MEIS1: variants seen among roughly 807,000 people sequenced by gnomAD.
MEIS1 encodes Meis homeobox 1.
MEIS1 carries 5 observed loss-of-function variants against 50.8 expected under a neutral mutation model. The ratio of observed to expected loss-of-function variants is 0.10; its 90% CI spans 0.05 to 0.21. The LOEUF (loss-of-function observed/expected upper bound fraction) is 0.21, where lower values mean the gene tolerates loss of function less well. Among genes scored for constraint, MEIS1 ranks in the 10% least tolerant of loss-of-function variants. The pLI is 1.00. For synonymous variants in MEIS1, 176 were observed against 179.3 expected (o/e 0.98, Z 0.15); for missense variants, 318 against 517.3 (o/e 0.61, Z 3.74).
intron 6 of MEIS1, chr2:66,454,693 C>A (rs1001129004): frequency 1.3e-5 from 2 of 151,806 alleles, no homozygotes; most frequent in East Asian, 3.9e-4. Flanking sequence ...TTTATTTTAT[C>A]TTAATTTGTT....
chr2:66,473,370 C>A (rs1342884893), intron 7 of MEIS1, among the ~76,000 whole-genome samples: 1 of 98,654 alleles, frequency 1.0e-5, no homozygotes, highest in Non-Finnish European at 1.7e-5. Flanking sequence ...AAGAGTGAGA[C>A]TCCATGTCAA....
At chr2:66,468,989 A>G (rs1672706086) in intron 7 of MEIS1, among the ~76,000 whole-genome samples, 1 of 152,228 alleles carries the variant, frequency 6.6e-6, no homozygotes, top group Admixed American at 6.5e-5. Flanking sequence ...AAGTAAAGAT[A>G]TTGCTCTTGC....
chr2:66,557,551 G>A (rs1443950389), intron 9 of MEIS1, among the ~76,000 whole-genome samples: 1 of 152,118 alleles, frequency 6.6e-6, no homozygotes, highest in Non-Finnish European at 1.5e-5. Context: ...TTTGAGACTG[G>A]CTTTTTTCAC....
chr2:66,544,013 A>C (rs1012782223), intron 8 of MEIS1, among the ~76,000 whole-genome samples: 1 of 152,210 alleles, frequency 6.6e-6, no homozygotes, highest in African/African-American at 2.4e-5. Context: ...GAGATGCAAT[A>C]ACAGCAAAGG....
At position 66,568,633 on chromosome 2, in the gene MEIS1, T is replaced by G. The variant is rs377688780; in HGVS notation, c.1025-34T>G. The G allele has an allele frequency of 2.2e-5, 34 of 1,534,384 alleles. No individual in the cohort carries two copies. The African/African-American group carries it at 4.4e-4, about 20-fold the overall frequency. ...GGCTATTTCTTTTGCTCTCAGAGACTGTTATTAAAAAACCACATTCTGTAC... is the reference window on the plus strand; with the variant it reads ...GGCTATTTCTTTTGCTCTCAGAGACGGTTATTAAAAAACCACATTCTGTAC... On this transcript the variant is annotated intron_variant, in intron 10 of 12. Coordinates refer to ENST00000272369, the MANE Select transcript of MEIS1 (RefSeq NM_002398.3).
chr2:66,475,149 T>A (rs1553373611), intron 7 of MEIS1, among the ~76,000 whole-genome samples: 2 of 141,464 alleles, frequency 1.4e-5, no homozygotes, highest in Non-Finnish European at 3.0e-5. Flanking sequence ...TATATATATA[T>A]AAATATATGA....
intron 5 of MEIS1, chr2:66,442,674 T>C (rs2103689426): frequency 2.1e-6 from 1 of 479,106 alleles, no homozygotes; most frequent in East Asian, 3.7e-5. Flanking sequence ...GAATATGTTG[T>C]AGCCTGTGAA....
At chr2:66,494,562 C>T (rs1411261465) in intron 7 of MEIS1, among the ~76,000 whole-genome samples, 1 of 152,190 alleles carries the variant, frequency 6.6e-6, no homozygotes, top group African/African-American at 2.4e-5. Context: ...GGTAGGAATG[C>T]TGCATATAAA....
chr2:66,490,081 A>G (rs72821214), intron 7 of MEIS1, among the ~76,000 whole-genome samples: 3,429 of 152,334 alleles, frequency 0.023, 60 homozygotes, highest in South Asian at 0.032. Flanking sequence ...TTAAAATAAC[A>G]CTTTAAAAAG....
intron 8 of MEIS1, among the ~76,000 whole-genome samples, chr2:66,518,778 T>G (rs183597840): frequency 1.3e-5 from 2 of 152,368 alleles, no homozygotes; most frequent in East Asian, 3.9e-4. Context: ...TGGTTCTTTC[T>G]TTCTTCATGT....
At chr2:66,504,268 C>G (rs984968622) in intron 7 of MEIS1, among the ~76,000 whole-genome samples, 1 of 152,000 alleles carries the variant, frequency 6.6e-6, no homozygotes, top group Non-Finnish European at 1.5e-5. Context: ...GAGTCTTGCT[C>G]TGTCACCCAG....
chr2:66,561,584 G>C (rs931502870), intron 9 of MEIS1, among the ~76,000 whole-genome samples: 2 of 152,052 alleles, frequency 1.3e-5, no homozygotes. Flanking sequence ...TATTCCTAAC[G>C]CTAGCTAAAT....
chr2:66,531,794 G>A (rs1387891039), intron 8 of MEIS1, among the ~76,000 whole-genome samples: 1 of 152,296 alleles, frequency 6.6e-6, no homozygotes, highest in East Asian at 1.9e-4. Flanking sequence ...ACTGCAGCAG[G>A]GCCAAGGATG....
Position 66,473,397 on chromosome 2 carries a change from A to AAAAAAAAAATATATATAT in MEIS1, c.742+9178_742+9179insAAAAAAAATATATATATA. Among the ~76,000 whole-genome samples the AAAAAAAAAATATATATAT allele has an allele frequency of 2.7e-4, 29 of 107,564 alleles. No individual in the cohort carries two copies. In the East Asian group the frequency reaches 3.5e-3, roughly 13 times the overall value. The allele number at this position is 107,564 out of a possible 152,430, so 70.6% of individuals were successfully genotyped here. ...CCATGTCAAAAAAAAAAAAAAAAAA[A>AAAAAAAAAATATATATAT]ATATATATATATATATATATAGTAA... On this transcript the variant is annotated intron_variant, in intron 7 of 12. Transcript: ENST00000272369.
intron 8 of MEIS1, among the ~76,000 whole-genome samples, chr2:66,517,363 G>C (rs1260671291): frequency 6.6e-6 from 1 of 152,178 alleles, no homozygotes; most frequent in Non-Finnish European, 1.5e-5. Context: ...GTTATCTGCA[G>C]ACAGATCATT....
At chr2:66,508,429 G>A (rs554399889) in intron 7 of MEIS1, among the ~76,000 whole-genome samples, 30 of 152,340 alleles carry the variant, frequency 2.0e-4, no homozygotes, top group African/African-American at 7.0e-4. Flanking sequence ...TGCCTAGAGA[G>A]AGAGGAACCC....
intron 9 of MEIS1, among the ~76,000 whole-genome samples, chr2:66,559,123 C>CAGAGAGAGAGAG (rs58790798): frequency 6.8e-5 from 10 of 148,078 alleles, no homozygotes; most frequent in African/African-American, 2.2e-4. Flanking sequence ...GCCTGGGTGA[C>CAGAGAGAGAGAG]AGAGAGAGAG....
chr2:66,525,979 G>A (rs1343428191), intron 8 of MEIS1, among the ~76,000 whole-genome samples: 1 of 152,234 alleles, frequency 6.6e-6, no homozygotes, highest in African/African-American at 2.4e-5. Context: ...GTTTGAGGGA[G>A]AACTGCGTTT....
chr2:66,493,664 T>G (rs1298742871), intron 7 of MEIS1, among the ~76,000 whole-genome samples: 1 of 152,226 alleles, frequency 6.6e-6, no homozygotes, highest in Non-Finnish European at 1.5e-5. Context: ...TAATTTCCAT[T>G]TATTACAAAT....
Sources: gnomAD v4.1 joint callset for allele counts (sites outside exome capture counted in the v4.1 genomes callset) on GRCh38, gnomAD v4.1.1 for gene constraint, MANE v1.5 for transcripts, NCBI Gene and HGNC (gene_info 2026-07-23, HGNC 2026-07-21) for gene names.